Variants in SEC63 observed in about 807,000 individuals in gnomAD.
SEC63 encodes translocation protein SEC63 homolog.
In SEC63, 56 loss-of-function variants were observed where a neutral mutation model predicts 116.2. The ratio of observed to expected loss-of-function variants is 0.48; its 90% CI spans 0.39 to 0.60. The LOEUF (loss-of-function observed/expected upper bound fraction) is 0.60, where lower values mean the gene tolerates loss of function less well. Ranked by LOEUF, SEC63 falls within the 20% of genes least tolerant of loss-of-function variation. The pLI is 0.00. For synonymous variants in SEC63, 273 were observed against 294.6 expected (o/e 0.93, Z 0.75); for missense variants, 668 against 900.0 (o/e 0.74, Z 3.30).
chr6:107,886,601 T>C (rs1294698174), intron 16 of SEC63, among the ~76,000 whole-genome samples: 2 of 152,224 alleles, frequency 1.3e-5, no homozygotes, highest in South Asian at 2.1e-4. Context: ...ATTTCTCTAA[T>C]GACCAGTGAT....
chr6:107,908,945 G>T lies in SEC63; in HGVS notation c.715C>A (p.Arg239=), dbSNP rs755795110. 10 of 1,604,468 alleles carry T rather than the reference G, an allele frequency of 6.2e-6. No homozygotes were observed. In the Admixed American group the frequency reaches 1.5e-4, roughly 24 times the overall value. The part of the protein sequence containing the change: ...QIYTYFVYKT[R]NMDMKRLIMV... ...TACTTACGTTTCATATCCATATTTC[G>T]GGTTTTATAAACAAAGTATGTATAA... The change falls in exon 8 of 21, where the codon CGA becomes AGA. Residue 239 remains arginine, a synonymous_variant. Transcript: ENST00000369002.
At chr6:107,899,614 G>C (rs190562236) in intron 13 of SEC63, among the ~76,000 whole-genome samples, 1 of 152,104 alleles carries the variant, frequency 6.6e-6, no homozygotes, top group Admixed American at 6.5e-5. Flanking sequence ...AGCTACTTGG[G>C]AGGGCTGAGG....
intron 4 of SEC63, among the ~76,000 whole-genome samples, chr6:107,914,262 C>T (rs1020639467): frequency 3.9e-5 from 6 of 152,108 alleles, no homozygotes; most frequent in Admixed American, 6.6e-5. Flanking sequence ...CCAACACACA[C>T]GCTCAAAAAT....
At chr6:107,877,517 C>T (rs1786309658) in intron 18 of SEC63, 1 of 152,176 alleles carries the variant, frequency 6.6e-6, no homozygotes, top group Non-Finnish European at 1.5e-5. Flanking sequence ...CAGCTCACCT[C>T]ACTGCAACCT....
intron 19 of SEC63, 50 bp downstream of exon 19, chr6:107,876,514 G>GT: frequency 9.5e-7 from 1 of 1,054,430 alleles, no homozygotes; most frequent in Non-Finnish European, 1.5e-6. Context: ...CAGCATGATG[G>GT]TGACAGCTGT....
intron 1 of SEC63, among the ~76,000 whole-genome samples, chr6:107,945,751 T>G (rs923169438): frequency 6.6e-6 from 1 of 151,984 alleles, no homozygotes; most frequent in African/African-American, 2.4e-5. Context: ...TATGAATACA[T>G]TTGTAATCAC....
chr6:107,895,492 T>A (rs931017786), intron 14 of SEC63, among the ~76,000 whole-genome samples: 9 of 151,988 alleles, frequency 5.9e-5, no homozygotes, highest in African/African-American at 2.2e-4. Flanking sequence ...TAGGATCACT[T>A]GAGGTCAGGA....
intron 3 of SEC63, among the ~76,000 whole-genome samples, chr6:107,922,303 A>T (rs1194338813): frequency 6.6e-6 from 1 of 152,220 alleles, no homozygotes; most frequent in African/African-American, 2.4e-5. Context: ...CAGGAGTTCA[A>T]GACCAGCTTG....
chr6:107,911,302 T>C, intron 7 of SEC63, 44 bp downstream of exon 7: 1 of 1,309,294 alleles, frequency 7.6e-7, no homozygotes, highest in East Asian at 2.3e-5. Flanking sequence ...AACATGTCAA[T>C]CTCCTTTCCA....
At chr6:107,883,814 AAAAG>A (rs1786466820) in intron 16 of SEC63, among the ~76,000 whole-genome samples, 2 of 151,830 alleles carry the variant, frequency 1.3e-5, no homozygotes, top group South Asian at 4.2e-4. Flanking sequence ...CTCAAAAAAA[AAAAG>A]AAATAAAGAA....
chr6:107,913,529 G>A (rs926305646), intron 4 of SEC63, 102 bp from the exon 5 acceptor site: 2 of 829,566 alleles, frequency 2.4e-6, no homozygotes, highest in East Asian at 4.8e-5. Context: ...TTTCTTAGAA[G>A]ATACTGATTC....
chr6:107,882,050 T>C (rs1328436716), intron 17 of SEC63, among the ~76,000 whole-genome samples: 1 of 152,200 alleles, frequency 6.6e-6, no homozygotes, highest in Non-Finnish European at 1.5e-5. Context: ...TGACAGATTT[T>C]AGTTTCCTGG....
rs1367066591 is a variant in SEC63, at chr6:107,870,250, G to A, written c.*1454C>T. Reference sequence around the variant, plus strand: ...GATTGAGGTTATAGAGAAAGAAACTGCTTTCACCCTTTTATAGGAAATATT... The same window carrying A: ...GATTGAGGTTATAGAGAAAGAAACTACTTTCACCCTTTTATAGGAAATATT... On this transcript the variant is annotated 3_prime_UTR_variant, in exon 21 of 21. Coordinates refer to ENST00000369002, the MANE Select transcript of SEC63 (RefSeq NM_007214.5). 2 of 152,786 alleles carry A rather than the reference G, an allele frequency of 1.3e-5. No individual in the cohort carries two copies. Among genetic ancestry groups the A allele is most frequent in the Admixed American group, 1.3e-4 (2 of 15,262 alleles). 9.5% of individuals were successfully genotyped at this position (152,786 alleles called of 1,614,324 possible).
At chr6:107,934,179 C>A (rs1283108654) in intron 1 of SEC63, among the ~76,000 whole-genome samples, 9 of 151,984 alleles carry the variant, frequency 5.9e-5, no homozygotes, top group Non-Finnish European at 1.0e-4. Context: ...TGCCTGGCCA[C>A]CCATCGTCTG....
chr6:107,917,976 G>A (rs2114469756), intron 4 of SEC63, among the ~76,000 whole-genome samples: 1 of 152,294 alleles, frequency 6.6e-6, no homozygotes, highest in East Asian at 1.9e-4. Context: ...GGAAAAATAT[G>A]CCATTTAGGA....
intron 7 of SEC63, 152 bp from the exon 8 acceptor site, chr6:107,909,187 G>A: frequency 3.3e-6 from 2 of 604,906 alleles, no homozygotes; most frequent in Non-Finnish European, 6.0e-6. Context: ...GGGCAACATA[G>A]TGAGACCCTG....
At chr6:107,926,746 G>C (rs1787684588) in intron 2 of SEC63, among the ~76,000 whole-genome samples, 1 of 152,106 alleles carries the variant, frequency 6.6e-6, no homozygotes, top group Admixed American at 6.6e-5. Flanking sequence ...AAAAAAGCAA[G>C]ATTTAAAACC....
intron 18 of SEC63, among the ~76,000 whole-genome samples, chr6:107,879,646 A>G (rs1786365326): frequency 6.6e-6 from 1 of 152,184 alleles, no homozygotes; most frequent in Non-Finnish European, 1.5e-5. Context: ...TTATCTGATA[A>G]ATAATGATCT....
Position 107,872,885 on chromosome 6 carries a change from T to G in SEC63, c.2062A>C (p.Lys688Gln), listed in dbSNP as rs1237574703. Reference protein sequence around the residue: ...EVELKFPAPGKPGNYQYTVFL... With the variant: ...EVELKFPAPGQPGNYQYTVFL... ...ACAGTATACTGATAATTTCCAGGCT[T>G]GCCTGGTGCAGGAAACTTCAGCTCT... Residue 688 changes from lysine (K) to glutamine (Q), a missense_variant, in exon 20 of 21, where the codon AAG (lysine) becomes CAG (glutamine). Physicochemically the swap from Lys to Gln is moderately conservative, Grantham distance 53 (BLOSUM62 1). Coordinates refer to ENST00000369002, the MANE Select transcript of SEC63 (RefSeq NM_007214.5). The G allele has an allele frequency of 6.4e-7, 1 of 1,550,698 alleles. No individual in the cohort carries two copies. Among genetic ancestry groups the G allele is most frequent in the Non-Finnish European group, 8.7e-7 (1 of 1,145,316 alleles).
Sources: allele counts gnomAD v4.1 joint callset (sites outside exome capture counted in the v4.1 genomes callset), GRCh38; gene constraint gnomAD v4.1.1; transcripts MANE v1.5; gene names NCBI Gene and HGNC (gene_info 2026-07-23, HGNC 2026-07-21).